Variants in TNFSF4 observed in about 807,000 individuals in gnomAD.
The protein encoded by TNFSF4 is TNF superfamily member 4, also known as tumor necrosis factor ligand superfamily member 4.
Under a neutral mutation model 7.3 loss-of-function variants are expected in TNFSF4, and 4 were observed. The observed-to-expected ratio is 0.55, with a 90% confidence interval of 0.27 to 1.25. The LOEUF is 1.25. Among genes scored for constraint, TNFSF4 ranks in the 50% most tolerant of loss-of-function variants. The probability of loss-of-function intolerance (pLI) is 0.12; values close to 1 mark genes in which losing one functional copy is unlikely to be tolerated. For missense variants in TNFSF4, 181 were observed against 208.8 expected, an observed-to-expected ratio of 0.87 and a Z score of 0.82; for synonymous variants, 76 against 83.7, an observed-to-expected ratio of 0.91 and a Z score of 0.50.
chr1:173,374,796 T>A, the TNFSF4 span, among the ~76,000 whole-genome samples: 1 of 152,124 alleles, frequency 6.6e-6, no homozygotes, highest in African/African-American at 2.4e-5. Flanking sequence ...AAGCAGACCC[T>A]ATCAGTGCCC....
At chr1:173,432,069 T>G in the TNFSF4 span, among the ~76,000 whole-genome samples, 1 of 152,140 alleles carries the variant, frequency 6.6e-6, no homozygotes, top group Non-Finnish European at 1.5e-5. Context: ...CCTAAGAGGG[T>G]AGAAGCAGAA....
At position 173,184,945 on chromosome 1, in the gene TNFSF4, C is replaced by G. The variant is rs139583972; in HGVS notation, c.*1571G>C. 2 of 152,200 alleles carry G rather than the reference C, an allele frequency of 1.3e-5. No individual in the cohort carries two copies. The highest frequency in any genetic ancestry group is 4.8e-5 in the African/African-American group (2 of 41,512). 9.4% of individuals were successfully genotyped at this position (152,200 alleles called of 1,614,324 possible). A position where few individuals can be genotyped will look rare whatever the true frequency, so the allele number is the denominator to read the frequency against. On this transcript the variant is annotated 3_prime_UTR_variant, in exon 3 of 3. Coordinates refer to ENST00000281834, the MANE Select transcript of TNFSF4 (RefSeq NM_003326.5). The stretch of plus-strand genomic sequence containing the variant: ...TCTTCTATTTAGCATTTTTATTTAC[C>G]TTCCTTCATAACAGATTAAAATAGA...
chr1:173,388,469 A>G, the TNFSF4 span, among the ~76,000 whole-genome samples: 1 of 152,374 alleles, frequency 6.6e-6, no homozygotes, highest in East Asian at 1.9e-4. Context: ...GACCCTTTCC[A>G]TGGGTCCACA....
the TNFSF4 span, among the ~76,000 whole-genome samples, chr1:173,385,371 ATAT>A: frequency 1.3e-5 from 2 of 152,250 alleles, no homozygotes; most frequent in Non-Finnish European, 2.9e-5. Context: ...ACTATAAGAA[ATAT>A]TATTCAAAGT....
In TNFSF4 at chr1:173,199,083, G is replaced by A. The variant is rs994506269; in HGVS notation, c.153+7941C>T. 7.2e-5 allele frequency among the ~76,000 whole-genome samples: 11 copies of A among 152,144 alleles called. 1 individual carries two copies. The highest frequency in any genetic ancestry group is 5.2e-4 in the Admixed American group (8 of 15,282). On this transcript the variant is annotated intron_variant, in intron 1 of 2. Transcript: ENST00000281834. Reference sequence around the variant, plus strand: ...CTGTGAAACTTCTTACTGAAGAACCGTACCCTCTTTGGTTATCCAGTGCTT... The same window carrying A: ...CTGTGAAACTTCTTACTGAAGAACCATACCCTCTTTGGTTATCCAGTGCTT...
chr1:173,372,943 G>A, the TNFSF4 span, among the ~76,000 whole-genome samples: 8 of 152,066 alleles, frequency 5.3e-5, no homozygotes, highest in Non-Finnish European at 8.8e-5. Context: ...AATGGGATAC[G>A]AAGGGCAGGT....
At chr1:173,340,367 C>T in the TNFSF4 span, among the ~76,000 whole-genome samples, 19 of 143,780 alleles carry the variant, frequency 1.3e-4, no homozygotes, top group Admixed American at 4.8e-4. Context: ...CACACACACA[C>T]ATACCCTATT....
the TNFSF4 span, among the ~76,000 whole-genome samples, chr1:173,238,169 A>G: frequency 6.6e-6 from 1 of 152,222 alleles, no homozygotes; most frequent in African/African-American, 2.4e-5. Context: ...AGGATTTCCT[A>G]TTCAATAAAT....
chr1:173,430,346 G>A, the TNFSF4 span, among the ~76,000 whole-genome samples: 1 of 152,144 alleles, frequency 6.6e-6, no homozygotes, highest in African/African-American at 2.4e-5. Context: ...TTTTACACTT[G>A]CATGTTTAAT....
chr1:173,369,541 T>C, the TNFSF4 span, among the ~76,000 whole-genome samples: 1 of 151,964 alleles, frequency 6.6e-6, no homozygotes, highest in Non-Finnish European at 1.5e-5. Context: ...GGTTCTTGGG[T>C]GGGAGGAAAA....
chr1:173,382,906 ACAC>A, the TNFSF4 span, among the ~76,000 whole-genome samples: 3,438 of 149,406 alleles, frequency 0.023, 53 homozygotes, highest in African/African-American at 0.027. Flanking sequence ...ACACACACAC[ACAC>A]AAAGGTGCGT....
chr1:173,317,210 C>G, the TNFSF4 span, among the ~76,000 whole-genome samples: 2 of 152,188 alleles, frequency 1.3e-5, no homozygotes, highest in Non-Finnish European at 2.9e-5. Context: ...TAGCCATCTC[C>G]ACCAAGGAGC....
chr1:173,202,448 T>A (rs1438142765), intron 1 of TNFSF4, among the ~76,000 whole-genome samples: 2 of 152,198 alleles, frequency 1.3e-5, no homozygotes, highest in Non-Finnish European at 1.5e-5. Context: ...ATTCTCTTAT[T>A]TGTGGATGAG....
At chr1:173,242,593 C>A in the TNFSF4 span, among the ~76,000 whole-genome samples, 1 of 152,138 alleles carries the variant, frequency 6.6e-6, no homozygotes, top group Non-Finnish European at 1.5e-5. Context: ...AATTAAGGAA[C>A]TTTAAAGATT....
At chr1:173,430,112 A>C in the TNFSF4 span, among the ~76,000 whole-genome samples, 1 of 152,212 alleles carries the variant, frequency 6.6e-6, no homozygotes, top group African/African-American at 2.4e-5. Context: ...CGCTAAAAAA[A>C]GGCCTGCCAG....
chr1:173,250,511 G>A, the TNFSF4 span, among the ~76,000 whole-genome samples: 1 of 151,130 alleles, frequency 6.6e-6, no homozygotes, highest in African/African-American at 2.4e-5. Flanking sequence ...CCGGGCTGGA[G>A]TGCAGTGGCG....
chr1:173,326,421 A>G, the TNFSF4 span, among the ~76,000 whole-genome samples: 4 of 152,316 alleles, frequency 2.6e-5, no homozygotes, highest in East Asian at 3.9e-4. Context: ...TACTGAATGG[A>G]CAAAAACTGG....
the TNFSF4 span, among the ~76,000 whole-genome samples, chr1:173,321,391 G>A: frequency 6.6e-6 from 1 of 152,048 alleles, no homozygotes; most frequent in African/African-American, 2.4e-5. Context: ...GAAAACCTAG[G>A]CAATACCATT....
the TNFSF4 span, among the ~76,000 whole-genome samples, chr1:173,267,021 A>G: frequency 6.6e-6 from 1 of 152,176 alleles, no homozygotes; most frequent in Admixed American, 6.6e-5. Context: ...TCTTATACTC[A>G]TATGCTTTCC....
Sources: gnomAD v4.1 joint callset for allele counts (sites outside exome capture counted in the v4.1 genomes callset) on GRCh38, gnomAD v4.1.1 for gene constraint, MANE v1.5 for transcripts, NCBI Gene and HGNC (gene_info 2026-07-23, HGNC 2026-07-21) for gene names.